LRCH2: variants seen among roughly 807,000 people sequenced by gnomAD.
The protein encoded by LRCH2 is leucine-rich repeat and calponin homology domain-containing protein 2.
Under a neutral mutation model 68.9 loss-of-function variants are expected in LRCH2, and 38 were observed. The observed-to-expected ratio is 0.55, with a 90% CI of 0.43 to 0.72. LRCH2 has a LOEUF of 0.72. Among genes scored for constraint, LRCH2 ranks in the 30% least tolerant of loss-of-function variants. The pLI is 0.00. For synonymous variants in LRCH2, 191 were observed against 208.1 expected (o/e 0.92, Z 0.71); for missense variants, 528 against 572.9 (o/e 0.92, Z 0.80).
chrX:115,139,769 C>T (rs916781847), intron 14 of LRCH2, among the ~76,000 whole-genome samples: 4 of 111,413 alleles, frequency 3.6e-5, no homozygotes, highest in Non-Finnish European at 3.8e-5. Context: ...TTGTGCTGTG[C>T]TCAACAAGCA....
At chrX:115,148,023 T>G (rs1290571447) in intron 14 of LRCH2, among the ~76,000 whole-genome samples, 1 of 110,973 alleles carries the variant, frequency 9.0e-6, no homozygotes, top group Non-Finnish European at 1.9e-5. Context: ...TGTGCTATGA[T>G]CACGCTATTG....
chrX:115,229,278 C>T (rs997324288), intron 1 of LRCH2, among the ~76,000 whole-genome samples: 38 of 111,423 alleles, frequency 3.4e-4, no homozygotes, highest in African/African-American at 1.1e-3. Flanking sequence ...TAGGATAGCA[C>T]TGGAGTTGAA....
intron 14 of LRCH2, among the ~76,000 whole-genome samples, chrX:115,136,692 C>T (rs1431009238): frequency 9.0e-6 from 1 of 111,256 alleles, no homozygotes; most frequent in Non-Finnish European, 1.9e-5. Flanking sequence ...AAACAAAGAG[C>T]AGTTTAATGA....
intron 1 of LRCH2, among the ~76,000 whole-genome samples, chrX:115,225,834 G>A (rs1169375249): frequency 2.7e-5 from 3 of 112,046 alleles, no homozygotes; most frequent in Non-Finnish European, 5.6e-5. Context: ...ACAGACATCT[G>A]AAGAAAGGTT....
intron 3 of LRCH2, among the ~76,000 whole-genome samples, chrX:115,183,070 GCA>G (rs782061488): frequency 1.8e-4 from 19 of 106,067 alleles, no homozygotes; most frequent in Admixed American, 4.1e-4. Flanking sequence ...GCACGCACAC[GCA>G]CACACACACA....
Position 115,170,440 on chromosome X carries a change from T to TA in LRCH2, c.865-9dup. The TA allele has an allele frequency of 9.3e-7, 1 of 1,075,747 alleles. No individual in the cohort carries two copies. The highest frequency in any genetic ancestry group is 3.7e-5 in the Admixed American group (1 of 27,022). The allele number at this position is 1,075,747 out of a possible 1,213,427, so 88.7% of individuals were successfully genotyped here. ...CTTACCCTTTAAACATATCTGTCAATAAAAAATAAAGATTTAATTATATAG... is the reference window on the plus strand; with the variant it reads ...CTTACCCTTTAAACATATCTGTCAATAAAAAAATAAAGATTTAATTATATAG... On this transcript the variant is annotated splice_polypyrimidine_tract_variant and intron_variant, in intron 5 of 20. Coordinates refer to ENST00000317135, the MANE Select transcript of LRCH2 (RefSeq NM_020871.4).
intron 5 of LRCH2, among the ~76,000 whole-genome samples, chrX:115,171,838 C>A (rs1311650932): frequency 9.2e-6 from 1 of 109,026 alleles, no homozygotes; most frequent in African/African-American, 3.3e-5. Context: ...CACCACCATG[C>A]CCGGCTAATC....
At chrX:115,216,630 G>A (rs1556571639) in intron 1 of LRCH2, among the ~76,000 whole-genome samples, 1 of 112,128 alleles carries the variant, frequency 8.9e-6, no homozygotes, top group African/African-American at 3.2e-5. Context: ...TGAGGATATG[G>A]AGAAAGGAGA....
At chrX:115,189,681 G>A in intron 1 of LRCH2, 1 of 1,168,321 alleles carries the variant, frequency 8.6e-7, no homozygotes. Context: ...AGGCCATCAT[G>A]GTGGCCCAGA....
At chrX:115,134,844 G>A (rs1307340271) in intron 14 of LRCH2, among the ~76,000 whole-genome samples, 5 of 110,888 alleles carry the variant, frequency 4.5e-5, no homozygotes, top group African/African-American at 1.6e-4. Flanking sequence ...ATATCATAAA[G>A]CTATTGGGGC....
At chrX:115,147,702 T>A (rs2072397971) in intron 14 of LRCH2, among the ~76,000 whole-genome samples, 1 of 111,502 alleles carries the variant, frequency 9.0e-6, no homozygotes, top group African/African-American at 3.3e-5. Context: ...TGCACATTTT[T>A]AAAATGTGGC....
At position 115,143,462 on chromosome X, in the gene LRCH2, CAAGT is replaced by C. The variant is rs782662062; in HGVS notation, c.1695+6361_1695+6364del. The stretch of plus-strand genomic sequence containing the variant: ...ATCCAAAATGTGAACAGGCCAATAA[CAAGT>C]AATGAGATCAAATCTGTAATAAATA... On this transcript the variant is annotated intron_variant, in intron 14 of 20. Coordinates refer to ENST00000317135, the MANE Select transcript of LRCH2 (RefSeq NM_020871.4). Among the ~76,000 whole-genome samples, 236 of 111,429 alleles carry C rather than the reference CAAGT, an allele frequency of 2.1e-3. 1 individual carries two copies. The highest frequency in any genetic ancestry group is 2.6e-3 in the Non-Finnish European group (140 of 53,099).
At chrX:115,159,695 G>C (rs1157026462) in intron 11 of LRCH2, among the ~76,000 whole-genome samples, 1 of 103,932 alleles carries the variant, frequency 9.6e-6, no homozygotes, top group East Asian at 3.1e-4. Context: ...AGCTTGCAGT[G>C]AACCGAGATC....
intron 1 of LRCH2, among the ~76,000 whole-genome samples, chrX:115,203,938 C>T (rs1030585788): frequency 2.7e-5 from 3 of 112,630 alleles, no homozygotes; most frequent in Non-Finnish European, 5.6e-5. Flanking sequence ...CACATTTCCC[C>T]TCTACACTGC....
At chrX:115,225,440 C>G (rs191592038) in intron 1 of LRCH2, among the ~76,000 whole-genome samples, 103 of 111,437 alleles carry the variant, frequency 9.2e-4, no homozygotes, top group Non-Finnish European at 1.6e-3. Context: ...ACATGGAACT[C>G]CACCTCGTGC....
chrX:115,167,383 T>C (rs1432161649), intron 6 of LRCH2, among the ~76,000 whole-genome samples: 1 of 106,118 alleles, frequency 9.4e-6, no homozygotes, highest in Non-Finnish European at 2.0e-5. Context: ...AGAGGAAAAA[T>C]GAATGTGTTT....
chrX:115,121,741 C>T (rs781819446), intron 20 of LRCH2, among the ~76,000 whole-genome samples: 1 of 112,101 alleles, frequency 8.9e-6, no homozygotes, highest in Non-Finnish European at 1.9e-5. Flanking sequence ...TTCCAAATTA[C>T]CCAACAATTC....
intron 12 of LRCH2, among the ~76,000 whole-genome samples, chrX:115,152,034 T>C (rs782355918): frequency 1.8e-5 from 2 of 111,289 alleles, no homozygotes; most frequent in Non-Finnish European, 3.8e-5. Flanking sequence ...AACATGTATG[T>C]GAGGAAAATA....
At chrX:115,135,718 A>C (rs1000944377) in intron 14 of LRCH2, among the ~76,000 whole-genome samples, 2 of 111,608 alleles carry the variant, frequency 1.8e-5, no homozygotes, top group Non-Finnish European at 3.8e-5. Context: ...CTACAGAGAA[A>C]TCTGTTGTGA....
Sources: gnomAD v4.1 joint callset for allele counts (sites outside exome capture counted in the v4.1 genomes callset) on GRCh38, gnomAD v4.1.1 for gene constraint, MANE v1.5 for transcripts, NCBI Gene and HGNC (gene_info 2026-07-23, HGNC 2026-07-21) for gene names.